Variants in SLC9C2 observed in about 807,000 individuals in gnomAD.
SLC9C2 encodes the protein solute carrier family 9 member C2 (putative).
A neutral mutation model predicts 140.2 loss-of-function variants in SLC9C2; 75 were observed. The ratio of observed to expected loss-of-function variants is 0.53; its 90% CI spans 0.44 to 0.65. The LOEUF is 0.65. Ranked by LOEUF, SLC9C2 falls within the 30% of genes least tolerant of loss-of-function variation. The pLI is 0.00. For synonymous variants in SLC9C2, 375 were observed against 420.9 expected, an observed-to-expected ratio of 0.89 and a Z score of 1.34; for missense variants, 1,074 against 1,331.8, an observed-to-expected ratio of 0.81 and a Z score of 3.01.
chr1:173,541,523 C>T (rs1377758297), intron 13 of SLC9C2, among the ~76,000 whole-genome samples: 2 of 152,202 alleles, frequency 1.3e-5, no homozygotes, highest in Non-Finnish European at 2.9e-5. Context: ...TAGACATCTA[C>T]AGAACTCTCC....
chr1:173,556,666 C>CACTT (rs1457837240), intron 10 of SLC9C2, among the ~76,000 whole-genome samples: 1 of 151,992 alleles, frequency 6.6e-6, no homozygotes, highest in African/African-American at 2.4e-5. Flanking sequence ...GTAATCCCAG[C>CACTT]ACTTTGAGTG....
chr1:173,544,708 G>T (rs1471862971), intron 13 of SLC9C2, among the ~76,000 whole-genome samples: 1 of 152,054 alleles, frequency 6.6e-6, no homozygotes, highest in Non-Finnish European at 1.5e-5. Flanking sequence ...TCCTTTGTAG[G>T]GACATGGATG....
intron 9 of SLC9C2, among the ~76,000 whole-genome samples, chr1:173,569,015 C>T (rs536646527): frequency 5.9e-5 from 9 of 152,226 alleles, no homozygotes; most frequent in Non-Finnish European, 1.0e-4. Flanking sequence ...AATCCCTCAG[C>T]TTTTGTTTGT....
At chr1:173,583,794 T>C (rs1289909551) in intron 5 of SLC9C2, among the ~76,000 whole-genome samples, 172 bp from the exon 6 acceptor site, 2 of 152,242 alleles carry the variant, frequency 1.3e-5, no homozygotes, top group Non-Finnish European at 2.9e-5. Flanking sequence ...TAAATTTCTA[T>C]ATTGTGCCTC....
In SLC9C2 at chr1:173,593,650, C is replaced by T. The variant is rs117548917; in HGVS notation, c.357+4254G>A. 7.9e-4 allele frequency among the ~76,000 whole-genome samples: 121 copies of T among 152,212 alleles called. No individual in the cohort carries two copies. In the East Asian group the frequency reaches 0.021, roughly 27 times the overall value. ...GAAACCTATCTCACATGGAATGACACCCATAGACTCAAAATAAAGGAGTGG... is the reference window on the plus strand; with the variant it reads ...GAAACCTATCTCACATGGAATGACATCCATAGACTCAAAATAAAGGAGTGG... On this transcript the variant is annotated intron_variant, in intron 4 of 27. Transcript: ENST00000367714.
intron 4 of SLC9C2, 43 bp from the exon 5 acceptor site, chr1:173,587,873 A>C (rs779797308): frequency 6.8e-7 from 1 of 1,464,604 alleles, no homozygotes; most frequent in Admixed American, 1.8e-5. Flanking sequence ...TAACATCTAA[A>C]GATGGCATGA....
At chr1:173,543,211 A>T (rs981535132) in intron 13 of SLC9C2, among the ~76,000 whole-genome samples, 5 of 120,890 alleles carry the variant, frequency 4.1e-5, no homozygotes, top group African/African-American at 2.4e-4. Flanking sequence ...CTATACACTA[A>T]TAACAGACAG....
intron 10 of SLC9C2, among the ~76,000 whole-genome samples, chr1:173,557,002 G>T (rs1663754518): frequency 6.6e-6 from 1 of 151,748 alleles, no homozygotes; most frequent in Non-Finnish European, 1.5e-5. Context: ...CATTTATTAA[G>T]TGTCTGGTAT....
Position 173,500,927 on chromosome 1 carries a change from A to G in SLC9C2, c.*167T>C. 1 of 687,028 alleles carries G rather than the reference A, an allele frequency of 1.5e-6. No individual in the cohort carries two copies. The highest frequency in any genetic ancestry group is 2.1e-6 in the Non-Finnish European group (1 of 486,084). The allele number at this position is 687,028 out of a possible 1,614,324, so 42.6% of individuals were successfully genotyped here. On this transcript the variant is annotated 3_prime_UTR_variant, in exon 28 of 28. Coordinates refer to ENST00000367714, the MANE Select transcript of SLC9C2 (RefSeq NM_178527.4). ...TAAGAAGTTTTACAGAAGTCCATCC[A>G]TTGCTTATAAACTAAATGCAGCAGT...
At position 173,600,184 on chromosome 1, in the gene SLC9C2, A is replaced by G; in HGVS notation, c.161T>C (p.Val54Ala). 6.2e-7 allele frequency: 1 copy of G among 1,612,698 alleles called. No individual in the cohort carries two copies. The highest frequency in any genetic ancestry group is 1.1e-5 in the South Asian group (1 of 90,874). The stretch of plus-strand genomic sequence containing the variant: ...TAGAGAAAGAATCGTCAAAACAATG[A>G]CTTCACAATTCTTTAAACACATCTT... ...LLKMCLKNCE[V>A]IVLTILSLSG... The change falls in exon 3 of 28, where the codon GTC (valine) becomes GCC (alanine). Residue 54 changes from valine (V) to alanine (A), a missense_variant. Val to Ala is a moderately conservative substitution (Grantham distance 64). Coordinates refer to ENST00000367714, the MANE Select transcript of SLC9C2 (RefSeq NM_178527.4).
chr1:173,506,430 A>G (rs1057184053), intron 25 of SLC9C2, among the ~76,000 whole-genome samples: 1 of 152,238 alleles, frequency 6.6e-6, no homozygotes, highest in Non-Finnish European at 1.5e-5. Context: ...AGGATCTACT[A>G]TCAAGTGCCC....
In SLC9C2 at chr1:173,557,527, TAAAA is replaced by T. The variant is rs765477088; in HGVS notation, c.1047-23_1047-20del. The T allele has an allele frequency of 9.4e-6, 15 of 1,593,638 alleles. No homozygotes were observed. In the East Asian group the frequency reaches 2.7e-4, roughly 29 times the overall value. Reference sequence around the variant, plus strand: ...AAGCAACCTGTGGAGAGGGAAACATTAAAAATAAATCTCACCTTGTTTATTAATG... The same window carrying T: ...AAGCAACCTGTGGAGAGGGAAACATTATAAATCTCACCTTGTTTATTAATG... On this transcript the variant is annotated intron_variant, in intron 9 of 27. Transcript: ENST00000367714.
chr1:173,575,738 G>A (rs1283488466), intron 8 of SLC9C2, among the ~76,000 whole-genome samples: 3 of 152,038 alleles, frequency 2.0e-5, no homozygotes, highest in East Asian at 1.9e-4. Flanking sequence ...CACCACGCCC[G>A]GCTAATTTTT....
Position 173,526,698 on chromosome 1 carries a change from A to G in SLC9C2, c.2330T>C (p.Leu777Ser), listed in dbSNP as rs755063247. The change falls in exon 19 of 28, where the codon TTG becomes TCG. Residue 777 changes from leucine to serine, a missense_variant. Coordinates refer to ENST00000367714, the MANE Select transcript of SLC9C2 (RefSeq NM_178527.4). ...GACAGCATCCTGTTTGTTGGTTTCC[A>G]AAATTTCACATAGTTTCTGTAAAAA... ...ESIYQKLCEI[L>S]ETNKQDAVKE... is the part of the protein sequence containing the mutation. 1.9e-6 allele frequency: 3 copies of G among 1,594,130 alleles called. No homozygotes were observed. In the South Asian group the frequency reaches 3.5e-5, roughly 19 times the overall value.
intron 9 of SLC9C2, among the ~76,000 whole-genome samples, chr1:173,569,486 T>A (rs1664706273): frequency 6.6e-6 from 1 of 152,090 alleles, no homozygotes; most frequent in African/African-American, 2.4e-5. Context: ...AATATTGATA[T>A]CTTTCCCTTG....
chr1:173,581,845 A>G lies in SLC9C2; in HGVS notation c.802+2T>C. ...TAATTTTTGTATTTATTTCAGCCTTACCAATATAGAAAGTCATGTACACCA... is the reference window on the plus strand; with the variant it reads ...TAATTTTTGTATTTATTTCAGCCTTGCCAATATAGAAAGTCATGTACACCA... On this transcript the variant is annotated splice_donor_variant, in intron 7 of 27. Transcript: ENST00000367714. LOFTEE classifies it high-confidence loss of function. 6.5e-7 allele frequency: 1 copy of G among 1,535,490 alleles called. No homozygotes were observed. Among genetic ancestry groups the G allele is most frequent in the Non-Finnish European group, 8.8e-7 (1 of 1,134,084 alleles).
chr1:173,572,442 T>C (rs951981105), intron 9 of SLC9C2, among the ~76,000 whole-genome samples: 2 of 152,200 alleles, frequency 1.3e-5, no homozygotes, highest in Non-Finnish European at 2.9e-5. Flanking sequence ...GGGAACATAC[T>C]ATAAGACAAG....
intron 13 of SLC9C2, among the ~76,000 whole-genome samples, chr1:173,542,561 G>A (rs989205936): frequency 9.2e-5 from 14 of 152,000 alleles, no homozygotes; most frequent in African/African-American, 3.4e-4. Flanking sequence ...AACAAAAAAA[G>A]AGAATTTTAG....
At chr1:173,562,323 C>T (rs534303324) in intron 9 of SLC9C2, among the ~76,000 whole-genome samples, 6 of 152,176 alleles carry the variant, frequency 3.9e-5, no homozygotes, top group East Asian at 1.9e-4. Context: ...TCTTTTAATG[C>T]GTTTCATAAT....
Sources: allele counts gnomAD v4.1 joint callset (sites outside exome capture counted in the v4.1 genomes callset), GRCh38; gene constraint gnomAD v4.1.1; transcripts MANE v1.5; gene names NCBI Gene and HGNC (gene_info 2026-07-23, HGNC 2026-07-21).